CNTNAP2: variants seen among roughly 807,000 people sequenced by gnomAD.
CNTNAP2 encodes the protein contactin associated protein 2.
A neutral mutation model predicts 155.2 loss-of-function variants in CNTNAP2; 98 were observed. The ratio of observed to expected loss-of-function variants is 0.63; its 90% confidence interval spans 0.54 to 0.75. The LOEUF (loss-of-function observed/expected upper bound fraction) is 0.75. Among genes scored for constraint, CNTNAP2 ranks in the 30% least tolerant of loss-of-function variants. The probability of loss-of-function intolerance (pLI) is 0.00; values close to 1 mark genes in which losing one functional copy is unlikely to be tolerated. For missense variants in CNTNAP2, 1,727 were observed against 1,688.1 expected, an observed-to-expected ratio of 1.02 and a Z score of -0.40; for synonymous variants, 651 against 631.2, an observed-to-expected ratio of 1.03 and a Z score of -0.47.
chr7:146,475,945 T>G (rs934534160), intron 1 of CNTNAP2, among the ~76,000 whole-genome samples: 1 of 152,012 alleles, frequency 6.6e-6, no homozygotes, highest in Non-Finnish European at 1.5e-5. Context: ...TGTTGGGAAA[T>G]TAAAAATATC....
At chr7:147,406,436 TA>T (rs1482808824) in intron 10 of CNTNAP2, among the ~76,000 whole-genome samples, 1 of 152,208 alleles carries the variant, frequency 6.6e-6, no homozygotes, top group Non-Finnish European at 1.5e-5. Flanking sequence ...AAAACAGTTT[TA>T]AAAAGATGAA....
intron 1 of CNTNAP2, among the ~76,000 whole-genome samples, chr7:146,638,607 C>T (rs1383230440): frequency 6.6e-6 from 1 of 150,670 alleles, no homozygotes; most frequent in Non-Finnish European, 1.5e-5. Flanking sequence ...GCCTCAGCCT[C>T]CCGAGTAGCT....
intron 19 of CNTNAP2, among the ~76,000 whole-genome samples, chr7:148,226,783 A>C (rs1795859927): frequency 6.6e-6 from 1 of 152,224 alleles, no homozygotes; most frequent in Admixed American, 6.5e-5. Context: ...CCCCAGAACT[A>C]TGCCAATGTA....
intron 3 of CNTNAP2, among the ~76,000 whole-genome samples, chr7:146,999,850 G>T (rs1394057215): frequency 6.6e-6 from 1 of 151,698 alleles, no homozygotes; most frequent in East Asian, 1.9e-4. Context: ...ATAACTTGAG[G>T]GTAATCTTTT....
At chr7:146,787,760 C>T (rs1401760015) in intron 2 of CNTNAP2, among the ~76,000 whole-genome samples, 5 of 152,156 alleles carry the variant, frequency 3.3e-5, no homozygotes, top group African/African-American at 1.2e-4. Context: ...TACAGAGAGC[C>T]GATTGGTCCG....
intron 6 of CNTNAP2, among the ~76,000 whole-genome samples, chr7:147,123,134 T>A (rs1158068344): frequency 6.6e-6 from 1 of 152,152 alleles, no homozygotes; most frequent in East Asian, 1.9e-4. Context: ...AAAAAAACTC[T>A]TAAAAGCAAA....
At chr7:146,433,993 T>A (rs2129117597) in intron 1 of CNTNAP2, among the ~76,000 whole-genome samples, 1 of 152,292 alleles carries the variant, frequency 6.6e-6, no homozygotes, top group East Asian at 1.9e-4. Flanking sequence ...TTACAGTTCT[T>A]TACTTTCTTC....
intron 1 of CNTNAP2, among the ~76,000 whole-genome samples, chr7:146,709,821 C>T (rs536700779): frequency 6.6e-6 from 1 of 152,042 alleles, no homozygotes; most frequent in Non-Finnish European, 1.5e-5. Context: ...CCACAAAGGG[C>T]GGCCGGAGGG....
At chr7:147,456,530 G>A (rs925017202) in intron 10 of CNTNAP2, among the ~76,000 whole-genome samples, 1 of 151,998 alleles carries the variant, frequency 6.6e-6, no homozygotes, top group African/African-American at 2.4e-5. Flanking sequence ...TCTTTCATTG[G>A]AGAGGTGGGG....
At chr7:147,629,601 T>G (rs2116907412) in intron 12 of CNTNAP2, among the ~76,000 whole-genome samples, 1 of 151,848 alleles carries the variant, frequency 6.6e-6, no homozygotes, top group Admixed American at 6.6e-5. Flanking sequence ...CTTGATAAAC[T>G]TAAGAAAATA....
At chr7:147,316,714 T>C (rs1055329503) in intron 9 of CNTNAP2, among the ~76,000 whole-genome samples, 1 of 151,920 alleles carries the variant, frequency 6.6e-6, no homozygotes, top group African/African-American at 2.4e-5. Context: ...AAAGTAGTTA[T>C]ATACAAGAAT....
At chr7:148,269,509 A>G (rs1030591534) in intron 21 of CNTNAP2, among the ~76,000 whole-genome samples, 2 of 152,224 alleles carry the variant, frequency 1.3e-5, no homozygotes, top group African/African-American at 4.8e-5. Flanking sequence ...CAACAATCCA[A>G]TGAAATGAGA....
In CNTNAP2 at chr7:146,613,552, G is replaced by A. The variant is rs148813422; in HGVS notation, c.98-160719G>A. Among the ~76,000 whole-genome samples the A allele has an allele frequency of 8.5e-3, 1,295 of 151,966 alleles. 13 individuals carry two copies. Among genetic ancestry groups the A allele is most frequent in the African/African-American group, 0.029 (1,216 of 41,454 alleles). On this transcript the variant is annotated intron_variant, in intron 1 of 23. Coordinates refer to ENST00000361727, the MANE Select transcript of CNTNAP2 (RefSeq NM_014141.6). ...TACATTTTATTTAATCCAGTGTGTC[G>A]AAAGAGTAAAAAAAGATAAAATTAA...
intron 11 of CNTNAP2, among the ~76,000 whole-genome samples, chr7:147,523,886 T>C (rs1290181867): frequency 6.6e-6 from 1 of 152,158 alleles, no homozygotes; most frequent in Non-Finnish European, 1.5e-5. Flanking sequence ...AATACTGCGG[T>C]GAATCTCACT....
intron 1 of CNTNAP2, among the ~76,000 whole-genome samples, chr7:146,354,366 T>C (rs1197107270): frequency 2.0e-5 from 3 of 152,102 alleles, no homozygotes; most frequent in African/African-American, 7.2e-5. Flanking sequence ...TAATTATTAT[T>C]GTAGACACAG....
intron 21 of CNTNAP2, among the ~76,000 whole-genome samples, chr7:148,328,976 G>GGAAAAA (rs772803123): frequency 1.4e-5 from 1 of 69,260 alleles, no homozygotes; most frequent in African/African-American, 5.3e-5. Flanking sequence ...ACTCTGTCTG[G>GGAAAAA]AAAAAAAAAA....
Position 147,575,445 on chromosome 7 carries a change from G to A in CNTNAP2, c.1897+13188G>A, listed in dbSNP as rs955784629. 2.8e-5 allele frequency among the ~76,000 whole-genome samples: 4 copies of A among 143,404 alleles called. No homozygotes were observed. In the Admixed American group the frequency reaches 2.9e-4, roughly 10 times the overall value. The allele number at this position is 143,404 out of a possible 152,430, so 94.1% of individuals were successfully genotyped here. A position where few individuals can be genotyped will look rare whatever the true frequency, so the allele number is the denominator to read the frequency against. On this transcript the variant is annotated intron_variant, in intron 12 of 23. Transcript: ENST00000361727. ...GGGGTATATGTGTGTGTGTGAGTGTGTGTATTCCCTAGCTTTAGGGGTGTA... is the reference window on the plus strand; with the variant it reads ...GGGGTATATGTGTGTGTGTGAGTGTATGTATTCCCTAGCTTTAGGGGTGTA...
chr7:146,566,100 G>A (rs1762000254), intron 1 of CNTNAP2, among the ~76,000 whole-genome samples: 5 of 152,226 alleles, frequency 3.3e-5, no homozygotes, highest in Admixed American at 2.6e-4. Context: ...CCTGTTGCTG[G>A]TGTAGGCTCT....
intron 1 of CNTNAP2, among the ~76,000 whole-genome samples, chr7:146,169,542 T>A (rs1190440204): frequency 6.6e-6 from 1 of 152,164 alleles, no homozygotes; most frequent in Non-Finnish European, 1.5e-5. Context: ...ATTTCAAGTA[T>A]ACAGTATAGT....
Sources: allele counts gnomAD v4.1 joint callset (sites outside exome capture counted in the v4.1 genomes callset), GRCh38; gene constraint gnomAD v4.1.1; transcripts MANE v1.5; gene names NCBI Gene and HGNC (gene_info 2026-07-23, HGNC 2026-07-21).